Variants in SLC22A25 observed in about 807,000 individuals in gnomAD.
SLC22A25 encodes the protein MGI:2442751, MGI:2385316, MGI:3042283, MGI:3645714, MGI:3605624, MGI:2442750.
A neutral mutation model predicts 45.9 loss-of-function variants in SLC22A25; 44 were observed. The observed-to-expected ratio is 0.96, with a 90% CI of 0.75 to 1.23. The LOEUF (loss-of-function observed/expected upper bound fraction) is 1.23, where lower values mean the gene tolerates loss of function less well. Ranked by LOEUF, SLC22A25 falls within the 50% of genes most tolerant of loss-of-function variation. The pLI, the probability that SLC22A25 is intolerant of heterozygous loss-of-function variation, is 0.00. For synonymous variants in SLC22A25, 283 were observed against 238.6 expected (o/e 1.19, Z -1.72); for missense variants, 800 against 666.4 (o/e 1.20, Z -2.21).
In SLC22A25 at chr11:63,228,514, T is replaced by G. The variant is rs752499319; in HGVS notation, c.453A>C (p.Leu151=). The part of the protein sequence containing the change: ...SQPLNSVAKF[L]FMAGMMVGGN... The stretch of plus-strand genomic sequence containing the variant: ...CTCCCACCATCATTCCAGCCATGAA[T>G]AGAAATTTAGCTACTGAATTCAGTG... Residue 151 remains leucine, a synonymous_variant, in exon 5 of 12, where the codon CTA becomes CTC. Coordinates refer to ENST00000306494, the MANE Select transcript of SLC22A25 (RefSeq NM_199352.6). The G allele has an allele frequency of 5.0e-6, 8 of 1,613,916 alleles. No homozygotes were observed. In the South Asian group the frequency reaches 8.8e-5, roughly 18 times the overall value.
At chr11:63,228,657 T>C in intron 4 of SLC22A25, 93 bp from the exon 5 acceptor site, 1 of 893,182 alleles carries the variant, frequency 1.1e-6, no homozygotes, top group Non-Finnish European at 1.7e-6. Context: ...TTTCATTCTA[T>C]CTTCCTCCCT....
chr11:63,173,194 G>C (rs373625667), intron 9 of SLC22A25, among the ~76,000 whole-genome samples: 36 of 128,246 alleles, frequency 2.8e-4, no homozygotes, highest in African/African-American at 9.9e-4. Flanking sequence ...CAGGGAGGGA[G>C]ACATCACACA....
Position 63,158,754 on chromosome 11 carries a change from A to C in SLC22A25, c.*5070T>G, listed in dbSNP as rs575060840. Among the ~76,000 whole-genome samples the C allele has an allele frequency of 2.6e-5, 4 of 152,326 alleles. No homozygotes were observed. Among genetic ancestry groups the C allele is most frequent in the Admixed American group, 6.5e-5 (1 of 15,298 alleles). On this transcript the variant is annotated 3_prime_UTR_variant, in exon 12 of 12. Coordinates refer to ENST00000306494, the MANE Select transcript of SLC22A25 (RefSeq NM_199352.6). ...GCGTTTATTCTTTGTGATTACAAAC[A>C]ATCCAATTATACTTTTTTAGTTATT...
intron 9 of SLC22A25, among the ~76,000 whole-genome samples, chr11:63,169,723 T>G (rs967102497): frequency 2.0e-5 from 3 of 152,170 alleles, no homozygotes; most frequent in Non-Finnish European, 4.4e-5. Flanking sequence ...AGTAGGAGAC[T>G]TTAACATCCC....
chr11:63,230,284 T>C (rs2090042843), intron 3 of SLC22A25, among the ~76,000 whole-genome samples, 188 bp from the exon 4 acceptor site: 1 of 152,180 alleles, frequency 6.6e-6, no homozygotes, highest in East Asian at 1.9e-4. Flanking sequence ...ACTTCAAATG[T>C]GGGGAGAGTG....
Position 63,166,211 on chromosome 11 carries a change from T to C in SLC22A25, c.1118A>G (p.His373Arg). ...PFWGLTLHLQ[H>R]LGNNVFLLQT... ...CAACAGGAAAACATTGTTTCCCAGA[T>C]GCTGGAGGTGCAAAGTAAGGCCCCA... Residue 373 changes from histidine to arginine, a missense_variant, in exon 10 of 12, where the codon CAT (histidine) becomes CGT (arginine). Transcript: ENST00000306494. The C allele has an allele frequency of 6.2e-7, 1 of 1,613,984 alleles. No individual in the cohort carries two copies. Among genetic ancestry groups the C allele is most frequent in the Non-Finnish European group, 8.5e-7 (1 of 1,179,924 alleles).
intron 9 of SLC22A25, among the ~76,000 whole-genome samples, chr11:63,178,511 G>A (rs2088201268): frequency 6.7e-6 from 1 of 150,326 alleles, no homozygotes; most frequent in African/African-American, 2.4e-5. Context: ...TATTTTAACT[G>A]GGGTGAAATA....
chr11:63,237,585 G>C (rs2090185876), intron 3 of SLC22A25, among the ~76,000 whole-genome samples: 1 of 152,192 alleles, frequency 6.6e-6, no homozygotes, highest in South Asian at 2.1e-4. Flanking sequence ...TACCTATCCT[G>C]TGACCTTCTG....
rs369811715 is a variant in SLC22A25 at position 63,241,043 on chromosome 11, A to G, written c.-995-1908T>C. Among the ~76,000 whole-genome samples the G allele has an allele frequency of 4.4e-4, 67 of 152,370 alleles. 3 individuals carry two copies. The highest frequency in any genetic ancestry group is 2.3e-3 in the East Asian group (12 of 5,188). On this transcript the variant is annotated intron_variant, in intron 1 of 11. Coordinates refer to ENST00000306494, the MANE Select transcript of SLC22A25 (RefSeq NM_199352.6). ...AAAATGCAGAAACAACATTCATGCT[A>G]TCTTGTCATGTTTAACTGCAGGCAC...
intron 8 of SLC22A25, among the ~76,000 whole-genome samples, chr11:63,182,626 A>G (rs2088370819): frequency 6.6e-6 from 1 of 151,892 alleles, no homozygotes; most frequent in Non-Finnish European, 1.5e-5. Context: ...TGCCTGTGCT[A>G]TTGTCTCTGC....
intron 5 of SLC22A25, chr11:63,218,194 C>A: frequency 2.5e-6 from 1 of 402,344 alleles, no homozygotes; most frequent in Admixed American, 2.8e-5. Flanking sequence ...ATGTCTTCTG[C>A]AGCAACATGG....
intron 7 of SLC22A25, among the ~76,000 whole-genome samples, chr11:63,204,127 C>A (rs933295883): frequency 1.3e-5 from 2 of 152,166 alleles, no homozygotes; most frequent in African/African-American, 4.8e-5. Context: ...TTGCCACCAC[C>A]AGGCCTGCCT....
Position 63,163,656 on chromosome 11 carries a change from A to C in SLC22A25, c.*168T>G. 2 of 989,670 alleles carry C rather than the reference A, an allele frequency of 2.0e-6. No individual in the cohort carries two copies. The highest frequency in any genetic ancestry group is 2.9e-6 in the Non-Finnish European group (2 of 701,540). 61.3% of individuals were successfully genotyped at this position (989,670 alleles called of 1,614,324 possible). On this transcript the variant is annotated 3_prime_UTR_variant, in exon 12 of 12. Transcript: ENST00000306494. ...AATTAACCTCCTGGACAGGCTGGGC[A>C]GAGATGGTCTGTGTGATCTAGTGAG...
chr11:63,197,523 G>T (rs1442429944), intron 7 of SLC22A25, among the ~76,000 whole-genome samples: 4 of 151,754 alleles, frequency 2.6e-5, no homozygotes, highest in Non-Finnish European at 5.9e-5. Flanking sequence ...CTAGCCATAT[G>T]TAGAAAGCTA....
At chr11:63,171,802 A>G (rs185543501) in intron 9 of SLC22A25, among the ~76,000 whole-genome samples, 2 of 152,330 alleles carry the variant, frequency 1.3e-5, no homozygotes, top group African/African-American at 4.8e-5. Context: ...ACTAGAAAAA[A>G]CTACTTTAAA....
At chr11:63,177,839 G>GTATATATATATAATATATATATATAA (rs1565070589) in intron 9 of SLC22A25, among the ~76,000 whole-genome samples, 6 of 51,762 alleles carry the variant, frequency 1.2e-4, no homozygotes, top group South Asian at 8.9e-4. Context: ...TATATAATGT[G>GTATATATATATAATATATATATATAA]TATATATATA....
chr11:63,186,586 T>A (rs1345713581), intron 7 of SLC22A25, among the ~76,000 whole-genome samples: 1 of 151,576 alleles, frequency 6.6e-6, no homozygotes, highest in African/African-American at 2.4e-5. Flanking sequence ...TTGTTGCCAT[T>A]GCTTTTGGTG....
chr11:63,198,227 T>G (rs939216145), intron 7 of SLC22A25, among the ~76,000 whole-genome samples: 3 of 152,230 alleles, frequency 2.0e-5, no homozygotes, highest in Admixed American at 6.5e-5. Flanking sequence ...TTACTGGGTA[T>G]ATATCCAAAG....
At chr11:63,217,774 C>CAA (rs2089756207) in intron 5 of SLC22A25, 39 bp from the exon 6 acceptor site, 4 of 1,566,172 alleles carry the variant, frequency 2.6e-6, no homozygotes, top group Non-Finnish European at 3.4e-6. Context: ...GGAACAATAA[C>CAA]AACCTTTGGG....
Sources: allele counts gnomAD v4.1 joint callset (sites outside exome capture counted in the v4.1 genomes callset), GRCh38; gene constraint gnomAD v4.1.1; transcripts MANE v1.5; gene names NCBI Gene and HGNC (gene_info 2026-07-23, HGNC 2026-07-21).